The following MPHOSPH9 variants were observed in gnomAD, a reference collection of about 807,000 sequenced individuals.
MPHOSPH9 encodes M-phase phosphoprotein 9.
Under a neutral mutation model 145.5 loss-of-function variants are expected in MPHOSPH9, and 88 were observed. The ratio of observed to expected loss-of-function variants is 0.60; its 90% CI spans 0.51 to 0.72. MPHOSPH9 has a LOEUF of 0.72. Among genes scored for constraint, MPHOSPH9 ranks in the 30% least tolerant of loss-of-function variants. MPHOSPH9 has a pLI of 0.00. For missense variants in MPHOSPH9, 1,238 were observed against 1,386.6 expected (o/e 0.89, Z 1.70); for synonymous variants, 435 against 486.2 (o/e 0.89, Z 1.39).
rs567410006 is a variant in MPHOSPH9, at chr12:123,166,089, G to T, written c.2591+566C>A. On this transcript the variant is annotated intron_variant, in intron 17 of 23. Transcript: ENST00000606320. ...GGGCTCGGGCTGGCCAGAGCCATCT[G>T]AAGTGGGAGAGGATCTACATCTTTT... is the stretch of plus-strand genomic sequence containing the variant. 5.9e-5 allele frequency among the ~76,000 whole-genome samples: 9 copies of T among 152,288 alleles called. No individual in the cohort carries two copies. The East Asian group carries it at 1.7e-3, about 29-fold the overall frequency.
Position 123,164,723 on chromosome 12 carries a change from G to A in MPHOSPH9, c.2767+579C>T, listed in dbSNP as rs149723937. 3.5e-3 allele frequency among the ~76,000 whole-genome samples: 529 copies of A among 152,338 alleles called. 19 individuals carry two copies. Among genetic ancestry groups the A allele is most frequent in the Admixed American group, 0.026 (393 of 15,300 alleles). ...TGTAAGGCCAGGAGCAGTGGTTCAC[G>A]CCTGTAATCACAACACTTTGTGTTT... On this transcript the variant is annotated intron_variant, in intron 18 of 23. Coordinates refer to ENST00000606320, the MANE Select transcript of MPHOSPH9 (RefSeq NM_022782.4).
intron 14 of MPHOSPH9, among the ~76,000 whole-genome samples, chr12:123,180,321 T>C (rs969467007): frequency 2.0e-5 from 3 of 152,188 alleles, no homozygotes; most frequent in Admixed American, 6.6e-5. Context: ...GAGATTTAGA[T>C]ATCATGGGAT....
At chr12:123,239,165 A>G (rs1470262353) in intron 1 of MPHOSPH9, among the ~76,000 whole-genome samples, 1 of 152,134 alleles carries the variant, frequency 6.6e-6, no homozygotes, top group Non-Finnish European at 1.5e-5. Context: ...ACTACTCAGG[A>G]GGCTGCGGTG....
At chr12:123,220,491 G>A (rs1380244518) in intron 5 of MPHOSPH9, among the ~76,000 whole-genome samples, 1 of 151,808 alleles carries the variant, frequency 6.6e-6, no homozygotes, top group Non-Finnish European at 1.5e-5. Context: ...CTTGAACCAG[G>A]GAGGCAAAGG....
chr12:123,231,844 G>A (rs1179843493), intron 1 of MPHOSPH9, among the ~76,000 whole-genome samples: 1 of 151,120 alleles, frequency 6.6e-6, no homozygotes, highest in Non-Finnish European at 1.5e-5. Context: ...AAAAGAGCAA[G>A]GGAGCAAGAG....
chr12:123,158,059 A>G (rs1270269993), intron 23 of MPHOSPH9, among the ~76,000 whole-genome samples: 1 of 151,646 alleles, frequency 6.6e-6, no homozygotes, highest in African/African-American at 2.4e-5. Context: ...GCACAATCTC[A>G]GCTCACTGCA....
rs1161188735 is a variant in MPHOSPH9, at chr12:123,160,479, CTT to C, written c.3450+300_3450+301del. On this transcript the variant is annotated intron_variant, in intron 23 of 23. Coordinates refer to ENST00000606320, the MANE Select transcript of MPHOSPH9 (RefSeq NM_022782.4). Reference sequence around the variant, plus strand: ...AAGAGAGGCAATCTGTGAGCACTAACTTAGTGTAAAATCTGTTGAAAAGCATA... The same window carrying C: ...AAGAGAGGCAATCTGTGAGCACTAACAGTGTAAAATCTGTTGAAAAGCATA... The C allele has an allele frequency of 2.3e-5, 7 of 299,890 alleles. No homozygotes were observed. The East Asian group carries it at 3.2e-4, about 14-fold the overall frequency. 18.6% of individuals were successfully genotyped at this position (299,890 alleles called of 1,614,324 possible).
At chr12:123,176,876 T>TA in intron 15 of MPHOSPH9, 87 bp from the exon 16 acceptor site, 3 of 1,017,876 alleles carry the variant, frequency 2.9e-6, no homozygotes, top group Middle Eastern at 3.1e-4. Context: ...CAGACCCTCC[T>TA]AAAAAATGGG....
chr12:123,175,977 C>T (rs192885447), intron 16 of MPHOSPH9, among the ~76,000 whole-genome samples: 14 of 152,238 alleles, frequency 9.2e-5, no homozygotes, highest in African/African-American at 2.9e-4. Context: ...TAGCGATCCT[C>T]CCACCTTGGC....
upstream of MPHOSPH9, chr12:123,233,208 T>A (rs959453802): frequency 1.3e-5 from 2 of 152,072 alleles, no homozygotes; most frequent in East Asian, 1.9e-4. Flanking sequence ...CAGCCTCGCA[T>A]GGCGCGCGCG....
chr12:123,181,289 C>G, intron 13 of MPHOSPH9, 79 bp from the exon 14 acceptor site: 1 of 1,216,250 alleles, frequency 8.2e-7, no homozygotes, highest in Non-Finnish European at 1.2e-6. Context: ...TACAAAATAA[C>G]TGCCTATAGC....
At chr12:123,197,065 A>C (rs2045987388) in intron 12 of MPHOSPH9, among the ~76,000 whole-genome samples, 1 of 134,148 alleles carries the variant, frequency 7.5e-6, no homozygotes, top group East Asian at 2.4e-4. Flanking sequence ...TTTTTGAGGA[A>C]AATGTCCTAA....
chr12:123,243,715 TAAAAA>T (rs902974336), intron 1 of MPHOSPH9: 1 of 151,668 alleles, frequency 6.6e-6, no homozygotes, highest in Non-Finnish European at 1.5e-5. Context: ...AAATAAAAAA[TAAAAA>T]AGAAATAGCA....
At chr12:123,157,388 A>C (rs1301351200) in intron 23 of MPHOSPH9, among the ~76,000 whole-genome samples, 1 of 152,212 alleles carries the variant, frequency 6.6e-6, no homozygotes, top group African/African-American at 2.4e-5. Flanking sequence ...TTTCTTAAAA[A>C]AAAAAATAGA....
chr12:123,163,883 G>A (rs749329352), intron 19 of MPHOSPH9, 67 bp downstream of exon 19: 11 of 1,590,338 alleles, frequency 6.9e-6, no homozygotes, highest in Non-Finnish European at 9.5e-6. Flanking sequence ...GCAAGCAGCG[G>A]GCACAAATAG....
chr12:123,177,058 T>C (rs903498025), intron 15 of MPHOSPH9, among the ~76,000 whole-genome samples: 5 of 151,822 alleles, frequency 3.3e-5, no homozygotes, highest in African/African-American at 9.7e-5. Flanking sequence ...GGCATGGCGG[T>C]GTACACCTGT....
At chr12:123,166,897 T>A in intron 16 of MPHOSPH9, 108 bp from the exon 17 acceptor site, 2 of 1,141,724 alleles carry the variant, frequency 1.8e-6, no homozygotes, top group Non-Finnish European at 2.4e-6. Flanking sequence ...ATTTGTACAC[T>A]AATTTAAAAA....
intron 16 of MPHOSPH9, among the ~76,000 whole-genome samples, chr12:123,168,338 TTTC>T (rs1185173096): frequency 6.7e-5 from 10 of 148,164 alleles, no homozygotes; most frequent in African/African-American, 2.5e-4. Context: ...GCAACATGAC[TTTC>T]TTTTTTTTTT....
chr12:123,171,997 G>A (rs4759367), intron 16 of MPHOSPH9, among the ~76,000 whole-genome samples: 7,265 of 152,176 alleles, frequency 0.048, 324 homozygotes, highest in East Asian at 0.27. Flanking sequence ...GTTTTCATAC[G>A]TTTACTATGT....
Sources: allele counts gnomAD v4.1 joint callset (sites outside exome capture counted in the v4.1 genomes callset), GRCh38; gene constraint gnomAD v4.1.1; transcripts MANE v1.5; gene names NCBI Gene and HGNC (gene_info 2026-07-23, HGNC 2026-07-21).